ATG9B: variants seen among roughly 807,000 people sequenced by gnomAD.
The protein encoded by ATG9B is autophagy related 9B.
In ATG9B, 92 loss-of-function variants were observed where a neutral mutation model predicts 92.9. The observed-to-expected ratio is 0.99, with a 90% CI of 0.84 to 1.18. ATG9B has a LOEUF of 1.18. Among genes scored for constraint, ATG9B ranks in the 50% most tolerant of loss-of-function variants. The probability of loss-of-function intolerance (pLI) is 0.00; values close to 1 mark genes in which losing one functional copy is unlikely to be tolerated. For missense variants in ATG9B, 1,344 were observed against 1,235.0 expected, an observed-to-expected ratio of 1.09 and a Z score of -1.32; for synonymous variants, 599 against 551.4, an observed-to-expected ratio of 1.09 and a Z score of -1.21.
intron 8 of ATG9B, among the ~76,000 whole-genome samples, chr7:151,017,653 C>T (rs1186214620): frequency 2.0e-5 from 3 of 152,244 alleles, no homozygotes; most frequent in Non-Finnish European, 4.4e-5. Context: ...CAGACATAAT[C>T]TGTGTGTTCA....
chr7:151,014,339 T>C (rs1795392773), downstream of ATG9B: 2 of 751,912 alleles, frequency 2.7e-6, no homozygotes, highest in Middle Eastern at 3.9e-4. Flanking sequence ...ACGCCTCTTT[T>C]CCCTCTCTAG....
downstream of ATG9B, chr7:151,013,637 T>C (rs1265953910): frequency 1.1e-5 from 14 of 1,246,982 alleles, no homozygotes; most frequent in Admixed American, 3.1e-4. Flanking sequence ...CTCCGGAGAC[T>C]TTCACGTCCA....
chr7:151,018,529 G>T lies in ATG9B; in HGVS notation c.1719-82C>A. Reference sequence around the variant, plus strand: ...GATGTAGGGCTAGAGGGCCCCAGTGGTGGGAGAGGTAAGGATTCGGGGGGA... The same window carrying T: ...GATGTAGGGCTAGAGGGCCCCAGTGTTGGGAGAGGTAAGGATTCGGGGGGA... On this transcript the variant is annotated intron_variant, in intron 6 of 13. Transcript: ENST00000639579. The surrounding 1 kb of genome is among the most constrained non-coding windows in gnomAD (Gnocchi z 4.7). The T allele has an allele frequency of 6.6e-7, 1 of 1,522,950 alleles. No homozygotes were observed. 94.3% of individuals were successfully genotyped at this position (1,522,950 alleles called of 1,614,324 possible). A position where few individuals can be genotyped will look rare whatever the true frequency, so the allele number is the denominator to read the frequency against.
intron 10 of ATG9B, 31 bp from the exon 11 acceptor site, chr7:151,016,558 C>T (rs2117153484): frequency 1.3e-6 from 2 of 1,545,198 alleles, no homozygotes; most frequent in Non-Finnish European, 1.7e-6. Context: ...GGTCAAAAGT[C>T]ATGCCCTCCT....
chr7:151,013,023 A>G (rs1428735818), downstream of ATG9B: 5 of 569,230 alleles, frequency 8.8e-6, no homozygotes, highest in Admixed American at 1.8e-4. Flanking sequence ...CCACCACCTC[A>G]CCCGCGCTTC....
Position 151,017,134 on chromosome 7 carries a change from G to A in ATG9B, c.2191C>T (p.Leu731Phe). The A allele has an allele frequency of 6.2e-7, 1 of 1,612,930 alleles. No homozygotes were observed. Among genetic ancestry groups the A allele is most frequent in the Non-Finnish European group, 8.5e-7 (1 of 1,179,776 alleles). ...PGHSSKFLGH[L>F]WGRVQQDAAA... is the part of the protein sequence containing the mutation. ...GCATCTTGTTGTACTCGGCCCCAGA[G>A]GTGCCCAAGAAACTTAGAGCTGTGC... Residue 731 changes from leucine (L) to phenylalanine (F), a missense_variant, in exon 9 of 14, where the codon CTC (leucine) becomes TTC (phenylalanine). By Grantham distance (22) the Leu-to-Phe change is conservative (BLOSUM62 0). Coordinates refer to ENST00000639579, the MANE Select transcript of ATG9B (RefSeq NM_001317056.2).
At position 151,019,081 on chromosome 7, in the gene ATG9B, C is replaced by T; in HGVS notation, c.1257G>A (p.Pro419=). ...GCTGGTCGCTGCGCTTGTAGGCGTG[C>T]GGCAGCTCCCAGCCCCCGCGGAAGA... The part of the protein sequence containing the change: ...FSLFRGGWEL[P]HAYKRSDQRG... The change falls in exon 6 of 14, where the codon CCG becomes CCA. Residue 419 remains proline, a synonymous_variant. Coordinates refer to ENST00000639579, the MANE Select transcript of ATG9B (RefSeq NM_001317056.2). 6.5e-7 allele frequency: 1 copy of T among 1,535,768 alleles called. No homozygotes were observed. Among genetic ancestry groups the T allele is most frequent in the Non-Finnish European group, 8.7e-7 (1 of 1,146,342 alleles).
In ATG9B at chr7:151,018,659, G is replaced by C; in HGVS notation, c.1679C>G (p.Thr560Ser). ...EDVLAVEHVL[T>S]AMTALGVTAT... ...GGTGACCCCGAGCGCGGTCATGGCG[G>C]TGAGCACGTGCTCCACGGCTAGCAC... The change falls in exon 6 of 14, where the codon ACC becomes AGC. Residue 560 changes from threonine to serine, a missense_variant. Thr to Ser is a moderately conservative substitution (Grantham distance 58). Transcript: ENST00000639579. The surrounding 1 kb of genome is among the most constrained non-coding windows in gnomAD (Gnocchi z 4.7). 4 of 1,607,552 alleles carry C rather than the reference G, an allele frequency of 2.5e-6. No homozygotes were observed. Among genetic ancestry groups the C allele is most frequent in the Non-Finnish European group, 2.5e-6 (3 of 1,179,022 alleles).
chr7:151,017,791 G>C (rs929763071), intron 8 of ATG9B, 80 bp downstream of exon 8: 4 of 1,436,254 alleles, frequency 2.8e-6, no homozygotes, highest in Admixed American at 2.6e-5. Flanking sequence ...TGGAGCCAGG[G>C]CTGGAACTCA....
Position 151,018,777 on chromosome 7 carries a change from C to CG in ATG9B, c.1560dup (p.Ala521ArgfsTer172), listed in dbSNP as rs886936054. 30 of 1,447,872 alleles carry CG rather than the reference C, an allele frequency of 2.1e-5. No individual in the cohort carries two copies. The Admixed American group carries it at 2.2e-4, about 11-fold the overall frequency. 89.7% of individuals were successfully genotyped at this position (1,447,872 alleles called of 1,614,324 possible). ...CGGGCCAGCAGCGTGCGCAGGGGCG[C>CG]GGGGGGCGCAGCGGTGCGCAGGAAG... On this transcript the variant is annotated frameshift_variant, in exon 6 of 14. Coordinates refer to ENST00000639579, the MANE Select transcript of ATG9B (RefSeq NM_001317056.2). LOFTEE classifies it high-confidence loss of function. The surrounding 1 kb of genome is among the most constrained non-coding windows in gnomAD (Gnocchi z 4.7).
In ATG9B at chr7:151,017,903, G is replaced by T; in HGVS notation, c.2020C>A (p.Leu674Ile). ...TGTCCGTGGCGCTTCACATCCATAA[G>T]GGCAAAGGAACAGATGTCCCCAACC... ...AGVGDICSFA[L>I]MDVKRHGHPQ... The change falls in exon 8 of 14, where the codon CTT becomes ATT. Residue 674 changes from leucine to isoleucine, a missense_variant. Transcript: ENST00000639579. 1 of 1,610,364 alleles carries T rather than the reference G, an allele frequency of 6.2e-7. No homozygotes were observed. Among genetic ancestry groups the T allele is most frequent in the Non-Finnish European group, 8.5e-7 (1 of 1,178,372 alleles).
rs769824480 is a variant in ATG9B, at chr7:151,017,981, G to A, written c.1942C>T (p.Arg648Cys). The change falls in exon 8 of 14, where the codon CGT becomes TGT. Residue 648 changes from arginine to cysteine, a missense_variant. By Grantham distance (180) the Arg-to-Cys change is radical (BLOSUM62 -3). Coordinates refer to ENST00000639579, the MANE Select transcript of ATG9B (RefSeq NM_001317056.2). The part of the protein sequence containing the change: ...PLFLLFWFRP[R>C]ALEIIDFFHH... ...AAAAAGTCGATAATCTCCAGGGCAC[G>A]AGGGCGGAACCAGAAAAGCAGAAAC... 1 of 1,605,944 alleles carries A rather than the reference G, an allele frequency of 6.2e-7. No individual in the cohort carries two copies. The highest frequency in any genetic ancestry group is 2.2e-5 in the East Asian group (1 of 44,694).
chr7:151,023,138 G>A lies in ATG9B; in HGVS notation c.728C>T (p.Ala243Val), dbSNP rs776873190. Residue 243 changes from alanine (A) to valine (V), a missense_variant, in exon 4 of 14, where the codon GCC (alanine) becomes GTC (valine). By Grantham distance (64) the Ala-to-Val change is moderately conservative (BLOSUM62 0). Transcript: ENST00000639579. Reference sequence around the variant, plus strand: ...TCTGGTATGGTTACTTGGTTGGTTGGCAAAGAGAACATTGTAATCCACGCA... The same window carrying A: ...TCTGGTATGGTTACTTGGTTGGTTGACAAAGAGAACATTGTAATCCACGCA... The part of the protein sequence containing the change: ...LRCVDYNVLF[A>V]NQPSNHTRPG... 1.9e-6 allele frequency: 3 copies of A among 1,614,056 alleles called. No individual in the cohort carries two copies. Among genetic ancestry groups the A allele is most frequent in the Non-Finnish European group, 2.5e-6 (3 of 1,180,042 alleles).
Position 151,024,026 on chromosome 7 carries a change from C to A in ATG9B, c.398G>T (p.Cys133Phe). 1 of 1,592,254 alleles carries A rather than the reference C, an allele frequency of 6.3e-7. No homozygotes were observed. Among genetic ancestry groups the A allele is most frequent in the Non-Finnish European group, 8.6e-7 (1 of 1,169,484 alleles). The change falls in exon 1 of 14, where the codon TGC (cysteine) becomes TTC (phenylalanine). Residue 133 changes from cysteine (C) to phenylalanine (F), a missense_variant. Coordinates refer to ENST00000639579, the MANE Select transcript of ATG9B (RefSeq NM_001317056.2). ...CCGCAGCCCAGGAGAGTCCTGGGGGCACTGCTGTGAGGGAGTGGGGGTTGC... is the reference window on the plus strand; with the variant it reads ...CCGCAGCCCAGGAGAGTCCTGGGGGAACTGCTGTGAGGGAGTGGGGGTTGC... ...APATPTPSQQCPQDSPGLRVG... is the reference protein window; with the variant it reads ...APATPTPSQQFPQDSPGLRVG...
downstream of ATG9B, chr7:151,013,630 C>A: frequency 7.9e-7 from 1 of 1,261,756 alleles, no homozygotes; most frequent in Admixed American, 2.5e-5. Context: ...AGGCCCGCTC[C>A]GGAGACTTTC....
In ATG9B at chr7:151,018,067, G is replaced by A. The variant is rs1340067146; in HGVS notation, c.1873-17C>T. On this transcript the variant is annotated splice_polypyrimidine_tract_variant and intron_variant, in intron 7 of 13. Transcript: ENST00000639579. This position sits in a 1 kb window ranked among gnomAD's most constrained non-coding sequence, Gnocchi z 4.7. ...GAGGGAGACCTGGGGAAGCAGCGGT[G>A]AGGCTGAGCAGGGGTCGCTGAGGGG... The A allele has an allele frequency of 6.4e-7, 1 of 1,563,548 alleles. No individual in the cohort carries two copies. The highest frequency in any genetic ancestry group is 1.9e-5 in the Admixed American group (1 of 52,562).
rs977586201 is a variant in ATG9B, at chr7:151,017,087, C to T, written c.2238G>A (p.Ser746=). The T allele has an allele frequency of 3.7e-6, 6 of 1,609,992 alleles. No individual in the cohort carries two copies. Among genetic ancestry groups the T allele is most frequent in the Middle Eastern group, 1.7e-4 (1 of 5,980 alleles). The part of the protein sequence containing the change: ...QQDAAAWGAT[S]ARGPSTPGVL... ...CCCCCGGGGTGGAGGGGCCGCGAGC[C>T]GAGGTGGCACCCCAGGCAGCTGCAT... Residue 746 remains serine, a synonymous_variant, in exon 9 of 14, where the codon TCG becomes TCA. Transcript: ENST00000639579.
rs1360639068 is a variant in ATG9B at position 151,018,483 on chromosome 7, G to A, written c.1719-36C>T. On this transcript the variant is annotated intron_variant, in intron 6 of 13. Transcript: ENST00000639579. This position sits in a 1 kb window ranked among gnomAD's most constrained non-coding sequence, Gnocchi z 4.7. ...GGATCCGTGGGGGGAAGGGGCCTGC[G>A]ATTAGGAGGACGCGCGGTGGGATGT... 30 of 1,516,876 alleles carry A rather than the reference G, an allele frequency of 2.0e-5. No individual in the cohort carries two copies. Among genetic ancestry groups the A allele is most frequent in the African/African-American group, 1.4e-4 (10 of 71,612 alleles). The allele number at this position is 1,516,876 out of a possible 1,614,324, so 94.0% of individuals were successfully genotyped here.
chr7:151,013,886 G>A, downstream of ATG9B: 1 of 1,601,222 alleles, frequency 6.2e-7, no homozygotes, highest in Non-Finnish European at 8.5e-7. Context: ...CATGGAGCTG[G>A]ACGAGGCCGG....
Sources: allele counts gnomAD v4.1 joint callset (sites outside exome capture counted in the v4.1 genomes callset), GRCh38; gene constraint gnomAD v4.1.1; non-coding constraint Gnocchi (gnomAD v3.1); transcripts MANE v1.5; gene names NCBI Gene and HGNC (gene_info 2026-07-23, HGNC 2026-07-21).